SUGCT: variants seen among roughly 807,000 people sequenced by gnomAD.
SUGCT encodes succinyl-CoA:glutarate-CoA transferase.
Under a neutral mutation model 55.0 loss-of-function variants are expected in SUGCT, and 41 were observed. The observed-to-expected ratio is 0.74, with a 90% CI of 0.58 to 0.97. The LOEUF is 0.97. SUGCT is among the 50% of genes least tolerant of loss of function. SUGCT has a pLI of 0.00. For synonymous variants in SUGCT, 187 were observed against 200.4 expected (o/e 0.93, Z 0.56); for missense variants, 568 against 547.8 (o/e 1.04, Z -0.37).
chr7:40,822,220 C>T (rs1792056768), intron 13 of SUGCT, among the ~76,000 whole-genome samples: 1 of 152,144 alleles, frequency 6.6e-6, no homozygotes, highest in South Asian at 2.1e-4. Context: ...CGATGTGGTG[C>T]TGAGAAGAAT....
At chr7:40,943,492 C>CATTG in the SUGCT span, among the ~76,000 whole-genome samples, 1 of 136,954 alleles carries the variant, frequency 7.3e-6, no homozygotes, top group African/African-American at 2.7e-5. Flanking sequence ...CATGTGTTCT[C>CATTG]ATTGTTCAAT....
At chr7:40,174,528 C>G (rs1784829420) in intron 1 of SUGCT, among the ~76,000 whole-genome samples, 1 of 152,184 alleles carries the variant, frequency 6.6e-6, no homozygotes, top group South Asian at 2.1e-4. Flanking sequence ...GCCTCAGCTA[C>G]TTAGCAGGCT....
At chr7:40,926,539 C>T in the SUGCT span, among the ~76,000 whole-genome samples, 1 of 152,160 alleles carries the variant, frequency 6.6e-6, no homozygotes, top group Admixed American at 6.5e-5. Context: ...TTTGTATCAC[C>T]CCAAAATTTA....
At chr7:40,251,057 C>A (rs951362941) in intron 7 of SUGCT, among the ~76,000 whole-genome samples, 1 of 152,002 alleles carries the variant, frequency 6.6e-6, no homozygotes, top group East Asian at 1.9e-4. Context: ...TCTCGAACCC[C>A]TGACCTTGTG....
chr7:40,862,102 A>G (rs561071166), downstream of SUGCT, among the ~76,000 whole-genome samples: 1 of 152,312 alleles, frequency 6.6e-6, no homozygotes, highest in African/African-American at 2.4e-5. Flanking sequence ...TGAAATGCAA[A>G]TTTACTCACT....
intron 12 of SUGCT, among the ~76,000 whole-genome samples, chr7:40,674,232 A>G (rs1289072842): frequency 1.3e-5 from 2 of 152,236 alleles, no homozygotes; most frequent in Non-Finnish European, 2.9e-5. Context: ...CTTTTACTAT[A>G]GGATACACAG....
At chr7:40,617,887 T>A (rs1799085643) in intron 12 of SUGCT, among the ~76,000 whole-genome samples, 1 of 152,220 alleles carries the variant, frequency 6.6e-6, no homozygotes. Flanking sequence ...TTTTTTCATA[T>A]GTCATCGACT....
chr7:40,218,751 C>G (rs1297314785), intron 6 of SUGCT, among the ~76,000 whole-genome samples: 2 of 152,120 alleles, frequency 1.3e-5, no homozygotes, highest in African/African-American at 4.8e-5. Context: ...AAAAACGCAC[C>G]AATCAGCATT....
At chr7:40,348,635 T>C (rs930597733) in intron 9 of SUGCT, among the ~76,000 whole-genome samples, 1 of 152,192 alleles carries the variant, frequency 6.6e-6, no homozygotes, top group East Asian at 1.9e-4. Flanking sequence ...CATCTTTATT[T>C]TAGGTCTCTG....
intron 12 of SUGCT, among the ~76,000 whole-genome samples, chr7:40,582,628 T>C (rs1026279855): frequency 6.6e-5 from 10 of 152,160 alleles, no homozygotes; most frequent in African/African-American, 2.4e-4. Context: ...GTCCTCCTCA[T>C]CCTCTGTTAA....
At chr7:40,869,535 T>A in the SUGCT span, among the ~76,000 whole-genome samples, 1 of 152,340 alleles carries the variant, frequency 6.6e-6, no homozygotes, top group South Asian at 2.1e-4. Flanking sequence ...AGTCTTGTGA[T>A]ACCCTGAGTA....
chr7:40,143,681 A>G (rs989664276), intron 1 of SUGCT, among the ~76,000 whole-genome samples: 2 of 152,228 alleles, frequency 1.3e-5, no homozygotes, highest in African/African-American at 4.8e-5. Context: ...TTTAACTTGT[A>G]TGATAGCTAT....
At position 40,366,887 on chromosome 7, in the gene SUGCT, C is replaced by A. The variant is rs189211094; in HGVS notation, c.816+50032C>A. Among the ~76,000 whole-genome samples the A allele has an allele frequency of 2.0e-5, 3 of 152,092 alleles. No individual in the cohort carries two copies. In the South Asian group the frequency reaches 6.2e-4, roughly 32 times the overall value. Reference sequence around the variant, plus strand: ...CCTCAGGGATCTCGAACTAGAAATACCATTTGACCCAGCCATCCCATTACT... The same window carrying A: ...CCTCAGGGATCTCGAACTAGAAATAACATTTGACCCAGCCATCCCATTACT... On this transcript the variant is annotated intron_variant, in intron 9 of 13. Coordinates refer to ENST00000335693, the MANE Select transcript of SUGCT (RefSeq NM_001193313.2).
At chr7:40,516,697 T>A (rs1471042971) in intron 12 of SUGCT, among the ~76,000 whole-genome samples, 1 of 152,134 alleles carries the variant, frequency 6.6e-6, no homozygotes, top group Non-Finnish European at 1.5e-5. Flanking sequence ...ATATCTATCC[T>A]TTTGCCCATA....
chr7:40,934,055 C>T, the SUGCT span, among the ~76,000 whole-genome samples: 1 of 152,188 alleles, frequency 6.6e-6, no homozygotes, highest in Non-Finnish European at 1.5e-5. Context: ...GCTCTGGTTT[C>T]TCCCCATCTT....
chr7:40,355,043 T>A (rs1324730884), intron 9 of SUGCT, among the ~76,000 whole-genome samples: 1 of 152,188 alleles, frequency 6.6e-6, no homozygotes, highest in African/African-American at 2.4e-5. Context: ...TCCTGCCTTC[T>A]CCATAGAGTT....
the SUGCT span, among the ~76,000 whole-genome samples, chr7:41,009,162 C>G: frequency 1.4e-5 from 2 of 142,686 alleles, no homozygotes; most frequent in East Asian, 4.3e-4. Flanking sequence ...TATAGTGAGC[C>G]ATGACAGTGC....
At chr7:40,656,234 A>G (rs1039978297) in intron 12 of SUGCT, among the ~76,000 whole-genome samples, 1 of 139,166 alleles carries the variant, frequency 7.2e-6, no homozygotes, top group Non-Finnish European at 1.5e-5. Context: ...TTATCATAGC[A>G]TCTTTTTTTT....
At chr7:40,176,166 AG>A (rs1272411596) in intron 1 of SUGCT, among the ~76,000 whole-genome samples, 2 of 151,844 alleles carry the variant, frequency 1.3e-5, no homozygotes, top group East Asian at 3.9e-4. Context: ...CGGGAGGTGG[AG>A]GTTGCAGTGA....
Sources: allele counts gnomAD v4.1 joint callset (sites outside exome capture counted in the v4.1 genomes callset), GRCh38; gene constraint gnomAD v4.1.1; transcripts MANE v1.5; gene names NCBI Gene and HGNC (gene_info 2026-07-23, HGNC 2026-07-21).